Variants in CCDC57 observed in about 807,000 individuals in gnomAD.
CCDC57 encodes coiled-coil domain-containing protein 57.
CCDC57 carries 118 observed loss-of-function variants against 118.9 expected under a neutral mutation model. The ratio of observed to expected loss-of-function variants is 0.99; its 90% CI spans 0.86 to 1.16. The LOEUF (loss-of-function observed/expected upper bound fraction) is 1.16, where lower values mean the gene tolerates loss of function less well. Among genes scored for constraint, CCDC57 ranks in the 50% most tolerant of loss-of-function variants. The pLI, the probability that CCDC57 is intolerant of heterozygous loss-of-function variation, is 0.00. For synonymous variants in CCDC57, 527 were observed against 532.9 expected (o/e 0.99, Z 0.15); for missense variants, 1,300 against 1,320.7 (o/e 0.98, Z 0.24).
intron 4 of CCDC57, among the ~76,000 whole-genome samples, chr17:82,197,020 G>A (rs374096864): frequency 2.9e-5 from 4 of 137,638 alleles, no homozygotes; most frequent in African/African-American, 1.1e-4. Context: ...TCCTGCAGAC[G>A]CAGCCCCTCA....
chr17:82,135,102 CAG>C (rs751839883), intron 16 of CCDC57: 2 of 121,318 alleles, frequency 1.6e-5, no homozygotes, highest in Non-Finnish European at 3.4e-5. Flanking sequence ...GAAATTGAAA[CAG>C]ACATTTTTTT....
At chr17:82,189,018 G>A (rs1324516451) in intron 7 of CCDC57, among the ~76,000 whole-genome samples, 2 of 152,216 alleles carry the variant, frequency 1.3e-5, no homozygotes, top group Non-Finnish European at 2.9e-5. Context: ...TGTAACCGAA[G>A]CACTTTAGGA....
chr17:82,136,255 T>C (rs2039153103), intron 16 of CCDC57, among the ~76,000 whole-genome samples: 2 of 151,950 alleles, frequency 1.3e-5, no homozygotes, highest in South Asian at 2.1e-4. Context: ...GCTCTTCCCA[T>C]GGAAAGGAAT....
rs1373985959 is a variant in CCDC57, at chr17:82,199,435, G to A, written c.408-1013C>T. On this transcript the variant is annotated intron_variant, in intron 3 of 19. Transcript: ENST00000665763. ...AGAGGTTGCAGTGATCCGAGATCGC[G>A]CCACTGCACTCCAGCCTGGGCGACA... Among the ~76,000 whole-genome samples the A allele has an allele frequency of 2.9e-5, 4 of 135,744 alleles. No homozygotes were observed. The South Asian group carries it at 7.5e-4, about 25-fold the overall frequency. 89.1% of individuals were successfully genotyped at this position (135,744 alleles called of 152,430 possible).
At chr17:82,187,258 C>A (rs1218763302) in intron 8 of CCDC57, among the ~76,000 whole-genome samples, 5 of 129,714 alleles carry the variant, frequency 3.9e-5, no homozygotes, top group Admixed American at 1.6e-4. Context: ...AAAAAAAAGT[C>A]AAGATGAAAG....
At chr17:82,139,767 G>A (rs952215948) in intron 16 of CCDC57, among the ~76,000 whole-genome samples, 1 of 152,154 alleles carries the variant, frequency 6.6e-6, no homozygotes, top group African/African-American at 2.4e-5. Context: ...AGGCACCATG[G>A]GCACAGGCTT....
intron 16 of CCDC57, among the ~76,000 whole-genome samples, chr17:82,146,700 G>A (rs958636547): frequency 9.9e-5 from 15 of 152,180 alleles, no homozygotes; most frequent in Admixed American, 3.3e-4. Flanking sequence ...CTTCCATTGA[G>A]TCCTCCCTAT....
chr17:82,154,491 T>C (rs1428628456), intron 15 of CCDC57: 1 of 152,506 alleles, frequency 6.6e-6, no homozygotes, highest in Admixed American at 6.5e-5. Context: ...GTGTACACAA[T>C]ACGTGACCTG....
exon 10 of CCDC57, chr17:82,179,151 C>A: frequency 6.2e-7 from 1 of 1,613,972 alleles, no homozygotes; most frequent in Non-Finnish European, 8.5e-7. Context: ...CTCCAGGCTC[C>A]GCTCCCTTTC....
At position 82,155,930 on chromosome 17, in the gene CCDC57, C is replaced by T. The variant is rs374194697; in HGVS notation, c.2241+1818G>A. The stretch of plus-strand genomic sequence containing the variant: ...GCCTGGAGTGTATGCCCCGCCTGTG[C>T]CTTAGCTCCAATAACTGGGATTGGG... On this transcript the variant is annotated intron_variant, in intron 15 of 19. Transcript: ENST00000665763. 5 of 152,208 alleles carry T rather than the reference C, an allele frequency of 3.3e-5. No individual in the cohort carries two copies. In the East Asian group the frequency reaches 5.8e-4, roughly 18 times the overall value. The allele number at this position is 152,208 out of a possible 1,614,324, so 9.4% of individuals were successfully genotyped here.
intron 16 of CCDC57, 40 bp from the exon 16 acceptor site, chr17:82,134,234 C>A: frequency 7.8e-7 from 1 of 1,279,264 alleles, no homozygotes; most frequent in South Asian, 3.0e-5. Flanking sequence ...CTCTGTGCAT[C>A]ACTTCTGGAT....
At chr17:82,150,965 CTG>C in intron 16 of CCDC57, among the ~76,000 whole-genome samples, 1 of 45,756 alleles carries the variant, frequency 2.2e-5, no homozygotes. Context: ...AGAACCTGAC[CTG>C]CACCTAGAAC....
intron 13 of CCDC57, among the ~76,000 whole-genome samples, chr17:82,170,571 G>A (rs35070385): frequency 0.46 from 69,301 of 149,184 alleles, 16,890 homozygotes; most frequent in East Asian, 0.88. Context: ...GAGGAGTCAC[G>A]TGAGCACGCA....
exon 19 of CCDC57, chr17:82,127,748 A>C (rs2037684118): frequency 6.2e-7 from 1 of 1,611,988 alleles, no homozygotes; most frequent in Non-Finnish European, 8.5e-7. Flanking sequence ...CAGGTCTAGC[A>C]ACCTCCACAT....
intron 13 of CCDC57, among the ~76,000 whole-genome samples, chr17:82,168,900 G>C (rs2044326883): frequency 6.6e-6 from 1 of 151,746 alleles, no homozygotes; most frequent in Non-Finnish European, 1.5e-5. Context: ...TATTAAAACA[G>C]GAATAGAAAG....
intron 13 of CCDC57, among the ~76,000 whole-genome samples, chr17:82,169,708 G>A (rs1175243464): frequency 6.6e-6 from 1 of 152,194 alleles, no homozygotes; most frequent in African/African-American, 2.4e-5. Context: ...CTCGATCAAA[G>A]TAACTGTGTT....
At chr17:82,195,800 C>G (rs1360848939) in intron 4 of CCDC57, among the ~76,000 whole-genome samples, 6 of 152,172 alleles carry the variant, frequency 3.9e-5, no homozygotes, top group Non-Finnish European at 8.8e-5. Context: ...GGCAGTAGAA[C>G]AGAGCTTCCC....
At chr17:82,123,656 C>T (rs1039544477) in intron 19 of CCDC57, among the ~76,000 whole-genome samples, 3 of 152,040 alleles carry the variant, frequency 2.0e-5, no homozygotes, top group African/African-American at 7.3e-5. Flanking sequence ...GAAGAGTTAA[C>T]ATCATAGTAA....
intron 14 of CCDC57, chr17:82,160,215 G>A (rs1346217139): frequency 1.3e-5 from 2 of 152,302 alleles, no homozygotes; most frequent in Non-Finnish European, 2.9e-5. Flanking sequence ...AAAAGCAACA[G>A]GATGAGGACA....
Sources: allele counts gnomAD v4.1 joint callset (sites outside exome capture counted in the v4.1 genomes callset), GRCh38; gene constraint gnomAD v4.1.1; transcripts MANE v1.5; gene names NCBI Gene and HGNC (gene_info 2026-07-23, HGNC 2026-07-21).